Variants in RYR1 observed in about 807,000 individuals in gnomAD.
The protein encoded by RYR1 is central core disease of muscle.
RYR1 carries 342 observed loss-of-function variants against 583.5 expected under a neutral mutation model. The ratio of observed to expected loss-of-function variants is 0.59; its 90% CI spans 0.54 to 0.64. RYR1 has a LOEUF of 0.64. Ranked by LOEUF, RYR1 falls within the 30% of genes least tolerant of loss-of-function variation. RYR1 has a pLI of 0.00. For missense variants in RYR1, 6,032 were observed against 6,917.2 expected, an observed-to-expected ratio of 0.87 and a Z score of 4.54; for synonymous variants, 2,791 against 2,822.5, an observed-to-expected ratio of 0.99 and a Z score of 0.35.
chr19:38,527,580 A>T (rs1971521624), intron 72 of RYR1, 67 bp from the exon 73 acceptor site: 1 of 1,603,094 alleles, frequency 6.2e-7, no homozygotes, highest in Non-Finnish European at 8.5e-7. Flanking sequence ...AAAAACGGAA[A>T]GGGGACATCC....
Position 38,587,314 on chromosome 19 carries a change from C to T in RYR1, c.15022-11C>T, listed in dbSNP as rs763780717. 2.5e-6 allele frequency: 4 copies of T among 1,591,480 alleles called. No homozygotes were observed. The African/African-American group carries it at 5.4e-5, about 21-fold the overall frequency. On this transcript the variant is annotated splice_polypyrimidine_tract_variant and intron_variant, in intron 105 of 105. Transcript: ENST00000359596. ...ATGTGACCAATGAACTCTTTCTATC[C>T]CCAATCCTAGGAGTCTTATGTCTGG...
intron 89 of RYR1, among the ~76,000 whole-genome samples, chr19:38,556,357 C>T (rs1281309186): frequency 1.3e-5 from 2 of 151,796 alleles, no homozygotes; most frequent in Non-Finnish European, 2.9e-5. Context: ...TAGTGCATAT[C>T]TGTAGTCCCA....
rs775192689 is a variant in RYR1, at chr19:38,443,798, T to C, written c.424+2T>C. ...TGGGACTGCAGGAGGACGCAACAGG[T>C]GCAGCAGCTGGAGGGGATGGGGGTG... On this transcript the variant is annotated splice_donor_variant, in intron 5 of 105. Coordinates refer to ENST00000359596, the MANE Select transcript of RYR1 (RefSeq NM_000540.3). LOFTEE classifies it high-confidence loss of function. 1 of 1,613,882 alleles carries C rather than the reference T, an allele frequency of 6.2e-7. No homozygotes were observed. Among genetic ancestry groups the C allele is most frequent in the Non-Finnish European group, 8.5e-7 (1 of 1,179,934 alleles).
intron 56 of RYR1, 63 bp from the exon 57 acceptor site, chr19:38,506,766 C>T: frequency 6.2e-7 from 1 of 1,611,846 alleles, no homozygotes; most frequent in Middle Eastern, 1.7e-4. Flanking sequence ...CTGCAGGAAC[C>T]ACTTCAGTGA....
Position 38,499,542 on chromosome 19 carries a change from TG to T in RYR1, c.7028-92del. 7.1e-7 allele frequency: 1 copy of T among 1,415,138 alleles called. No individual in the cohort carries two copies. Among genetic ancestry groups the T allele is most frequent in the Non-Finnish European group, 9.7e-7 (1 of 1,028,534 alleles). 87.7% of individuals were successfully genotyped at this position (1,415,138 alleles called of 1,614,324 possible). A position where few individuals can be genotyped will look rare whatever the true frequency, so the allele number is the denominator to read the frequency against. Reference sequence around the variant, plus strand: ...TTGGGTCCTGGAGCTGGATGGGACCTGTGTTACCCCTGGAGGTGTTGGGTCC... The same window carrying T: ...TTGGGTCCTGGAGCTGGATGGGACCTTGTTACCCCTGGAGGTGTTGGGTCC... On this transcript the variant is annotated intron_variant, in intron 43 of 105. Transcript: ENST00000359596. The surrounding 1 kb of genome is among the most constrained non-coding windows in gnomAD (Gnocchi z 7.3).
chr19:38,553,197 T>C (rs559704611), intron 89 of RYR1, among the ~76,000 whole-genome samples: 1 of 150,536 alleles, frequency 6.6e-6, no homozygotes, highest in Non-Finnish European at 1.5e-5. Flanking sequence ...TAGCCAAGCA[T>C]GGTGGCAGGT....
intron 28 of RYR1, among the ~76,000 whole-genome samples, 157 bp downstream of exon 28, chr19:38,473,928 G>A (rs375730789): frequency 6.6e-6 from 1 of 152,130 alleles, no homozygotes; most frequent in Non-Finnish European, 1.5e-5. Context: ...TGTCTCCAAT[G>A]AACCCCATTA....
At chr19:38,478,998 C>T (rs1174800541) in intron 31 of RYR1, among the ~76,000 whole-genome samples, 2 of 152,112 alleles carry the variant, frequency 1.3e-5, no homozygotes, top group Admixed American at 6.5e-5. Flanking sequence ...AAATTCCTGA[C>T]CTCAAGTGGT....
At position 38,511,580 on chromosome 19, in the gene RYR1, G is replaced by C; in HGVS notation, c.9142G>C (p.Ala3048Pro). 6.2e-7 allele frequency: 1 copy of C among 1,613,890 alleles called. No homozygotes were observed. Among genetic ancestry groups the C allele is most frequent in the South Asian group, 1.1e-5 (1 of 91,076 alleles). The change falls in exon 61 of 106, where the codon GCT becomes CCT. Residue 3048 changes from alanine to proline, a missense_variant. Ala to Pro is a conservative substitution (Grantham distance 27, BLOSUM62 -1). Coordinates refer to ENST00000359596, the MANE Select transcript of RYR1 (RefSeq NM_000540.3). The stretch of plus-strand genomic sequence containing the variant: ...CTTCAGCCTCTTCTGCAAACTTGCT[G>C]CTCTCGTCCGCCACCGAGTCTCTCT... ...MITSLFCKLA[A>P]LVRHRVSLFG...
rs780299183 is a variant in RYR1 at position 38,585,083 on chromosome 19, GT to G, written c.14789del (p.Leu4930TrpfsTer7). Reference sequence around the variant, plus strand: ...TCTTCTTCTTCGTCATCGTCATCCTGTTGGCCATCATCCAGGGTCAGTGCTG... The same window carrying G: ...TCTTCTTCTTCGTCATCGTCATCCTGTGGCCATCATCCAGGGTCAGTGCTG... ...TFFFFVIVILLAIIQGLIIDA... is the reference protein window; with the variant it reads ...TFFFFVIVILXAIIQGLIIDA... On this transcript the variant is annotated frameshift_variant, in exon 102 of 106. Coordinates refer to ENST00000359596, the MANE Select transcript of RYR1 (RefSeq NM_000540.3). LOFTEE classifies it high-confidence loss of function. 2 of 1,613,890 alleles carry G rather than the reference GT, an allele frequency of 1.2e-6. No homozygotes were observed. The highest frequency in any genetic ancestry group is 1.7e-6 in the Non-Finnish European group (2 of 1,179,914).
chr19:38,549,727 C>T (rs544574367), intron 89 of RYR1, among the ~76,000 whole-genome samples: 75 of 74,882 alleles, frequency 1.0e-3, no homozygotes, highest in Non-Finnish European at 1.4e-3. Context: ...TTTTTTGAGA[C>T]GGAGTTTTGC....
chr19:38,554,797 T>C (rs771164542), intron 89 of RYR1, among the ~76,000 whole-genome samples: 4 of 152,130 alleles, frequency 2.6e-5, no homozygotes, highest in Non-Finnish European at 4.4e-5. Context: ...GGTTACTGAT[T>C]TATTCCTGGT....
At chr19:38,485,438 G>A (rs1969231144) in intron 33 of RYR1, 152 bp from the exon 34 acceptor site, 1 of 1,075,140 alleles carries the variant, frequency 9.3e-7, no homozygotes, top group Admixed American at 1.9e-5. Context: ...CCCAGGATGG[G>A]TGAATTGATA....
At chr19:38,473,045 G>A (rs1216170500) in intron 27 of RYR1, among the ~76,000 whole-genome samples, 4 of 151,566 alleles carry the variant, frequency 2.6e-5, no homozygotes, top group Admixed American at 2.0e-4. Flanking sequence ...TTGAAGTTGA[G>A]CTGCCTGGTT....
intron 1 of RYR1, 41 bp from the exon 2 acceptor site, chr19:38,440,704 G>A (rs567283128): frequency 5.6e-6 from 9 of 1,599,980 alleles, no homozygotes; most frequent in African/African-American, 1.3e-5. Flanking sequence ...TGTGGTATCC[G>A]GGCCAGGCCC....
chr19:38,501,884 G>A lies in RYR1; in HGVS notation c.7615-623G>A, dbSNP rs146825870. Among the ~76,000 whole-genome samples the A allele has an allele frequency of 7.8e-4, 119 of 152,292 alleles. 1 individual carries two copies. The East Asian group carries it at 0.02, about 25-fold the overall frequency. ...ACCTGTAGTCCCCTCTACTAGAGAGGCTGAGGTGGGAGAATCACTTGAGGG... is the reference window on the plus strand; with the variant it reads ...ACCTGTAGTCCCCTCTACTAGAGAGACTGAGGTGGGAGAATCACTTGAGGG... On this transcript the variant is annotated intron_variant, in intron 47 of 105. Transcript: ENST00000359596.
At chr19:38,516,986 G>A (rs906820852) in intron 65 of RYR1, among the ~76,000 whole-genome samples, 5 of 152,160 alleles carry the variant, frequency 3.3e-5, no homozygotes, top group Non-Finnish European at 7.3e-5. Flanking sequence ...ACTGAACCGG[G>A]TGTGGGATTC....
intron 50 of RYR1, 95 bp downstream of exon 50, chr19:38,504,455 C>A: frequency 6.7e-7 from 1 of 1,482,710 alleles, no homozygotes; most frequent in South Asian, 1.3e-5. Context: ...TTGGGGGGTT[C>A]AAGGAGGAGA....
At chr19:38,586,698 C>A in intron 105 of RYR1, 122 bp downstream of exon 105, 2 of 955,438 alleles carry the variant, frequency 2.1e-6, no homozygotes, top group Non-Finnish European at 1.7e-6. Flanking sequence ...GGGCTGGGCA[C>A]GGCGGCTCAC....
Sources: allele counts gnomAD v4.1 joint callset (sites outside exome capture counted in the v4.1 genomes callset), GRCh38; gene constraint gnomAD v4.1.1; non-coding constraint Gnocchi (gnomAD v3.1); transcripts MANE v1.5; gene names NCBI Gene and HGNC (gene_info 2026-07-23, HGNC 2026-07-21).